Variants in CCDC88C observed in about 807,000 individuals in gnomAD.
The protein encoded by CCDC88C is coiled-coil and HOOK domain protein 88C.
In CCDC88C, 131 loss-of-function variants were observed where a neutral mutation model predicts 198.8. That is an observed-to-expected ratio of 0.66 (90% CI 0.57 to 0.76). The LOEUF is 0.76. Among genes scored for constraint, CCDC88C ranks in the 30% least tolerant of loss-of-function variants. The probability of loss-of-function intolerance (pLI) is 0.00; values close to 1 mark genes in which losing one functional copy is unlikely to be tolerated. For missense variants in CCDC88C, 2,553 were observed against 2,631.6 expected (o/e 0.97, Z 0.65); for synonymous variants, 1,166 against 1,114.7 (o/e 1.05, Z -0.92).
chr14:91,289,552 G>A (rs1443917384), intron 24 of CCDC88C, among the ~76,000 whole-genome samples: 1 of 152,186 alleles, frequency 6.6e-6, no homozygotes, highest in Non-Finnish European at 1.5e-5. Flanking sequence ...CACAGGGCTG[G>A]GGATGGTAGA....
intron 3 of CCDC88C, among the ~76,000 whole-genome samples, chr14:91,407,894 T>C (rs1253425497): frequency 1.4e-5 from 2 of 146,952 alleles, no homozygotes; most frequent in African/African-American, 2.7e-5. Context: ...GCGATTCTCC[T>C]GCCTCAGCCT....
chr14:91,412,806 A>G (rs1886856842), intron 2 of CCDC88C, among the ~76,000 whole-genome samples: 1 of 152,184 alleles, frequency 6.6e-6, no homozygotes, highest in African/African-American at 2.4e-5. Flanking sequence ...GAAATTACTT[A>G]AGTTCATAGG....
intron 3 of CCDC88C, chr14:91,378,781 T>C (rs1480530141): frequency 1.3e-5 from 2 of 152,232 alleles, no homozygotes; most frequent in African/African-American, 4.8e-5. Flanking sequence ...ATTTATGATA[T>C]TGCCAGAATC....
intron 3 of CCDC88C, among the ~76,000 whole-genome samples, chr14:91,382,764 G>A (rs1180385171): frequency 6.6e-6 from 1 of 152,162 alleles, no homozygotes. Context: ...ACAGACTCAA[G>A]CGAACACTCC....
At chr14:91,390,795 C>T (rs1885463289) in intron 3 of CCDC88C, among the ~76,000 whole-genome samples, 1 of 152,144 alleles carries the variant, frequency 6.6e-6, no homozygotes, top group Non-Finnish European at 1.5e-5. Flanking sequence ...TGGAAGCACC[C>T]CACTTCCTTT....
At chr14:91,399,149 C>T (rs1278188144) in intron 3 of CCDC88C, among the ~76,000 whole-genome samples, 1 of 152,228 alleles carries the variant, frequency 6.6e-6, no homozygotes, top group Non-Finnish European at 1.5e-5. Context: ...ATGGGCAGTT[C>T]TCATTCTCCA....
chr14:91,281,788 G>C (rs181277479), intron 26 of CCDC88C, among the ~76,000 whole-genome samples: 12 of 152,122 alleles, frequency 7.9e-5, no homozygotes, highest in Non-Finnish European at 1.5e-5. Context: ...GACCAAAGGC[G>C]TGTTCTGGCC....
chr14:91,341,389 T>G (rs1368915900), intron 6 of CCDC88C, among the ~76,000 whole-genome samples: 1 of 152,118 alleles, frequency 6.6e-6, no homozygotes, highest in Non-Finnish European at 1.5e-5. Flanking sequence ...TCTGACTCAG[T>G]GGGTCTCTCA....
intron 26 of CCDC88C, 136 bp downstream of exon 26, chr14:91,283,193 G>T: frequency 1.1e-6 from 1 of 902,244 alleles, no homozygotes; most frequent in Non-Finnish European, 1.6e-6. Flanking sequence ...ACCAAAGCCT[G>T]TCAGCAGCCT....
At chr14:91,279,114 G>A (rs1890092933) in intron 28 of CCDC88C, 124 bp downstream of exon 28, 4 of 748,120 alleles carry the variant, frequency 5.3e-6, no homozygotes, top group Admixed American at 2.3e-5. Context: ...TTCCCAGGCT[G>A]GTTTCTAACT....
At chr14:91,315,624 G>C in intron 14 of CCDC88C, 26 bp downstream of exon 14, 1 of 1,613,258 alleles carries the variant, frequency 6.2e-7, no homozygotes, top group Non-Finnish European at 8.5e-7. Context: ...GGTTCTAGGA[G>C]AGGCGTTAGT....
chr14:91,388,717 AAC>A (rs994413626), intron 3 of CCDC88C, among the ~76,000 whole-genome samples: 2 of 152,234 alleles, frequency 1.3e-5, no homozygotes, highest in African/African-American at 4.8e-5. Context: ...ATTTCAACCA[AAC>A]ACAGACTGAG....
intron 5 of CCDC88C, among the ~76,000 whole-genome samples, chr14:91,342,888 T>C (rs1231451467): frequency 1.3e-5 from 2 of 152,242 alleles, no homozygotes; most frequent in Non-Finnish European, 2.9e-5. Flanking sequence ...CTGTCACAAC[T>C]ACTCAGCTCT....
chr14:91,405,990 A>G (rs1011150330), intron 3 of CCDC88C, among the ~76,000 whole-genome samples: 7 of 152,168 alleles, frequency 4.6e-5, no homozygotes, highest in Non-Finnish European at 1.0e-4. Context: ...GTCCTCCAAG[A>G]GCTCCCAGCA....
chr14:91,395,794 C>T (rs1017050268), intron 3 of CCDC88C, among the ~76,000 whole-genome samples: 4 of 152,114 alleles, frequency 2.6e-5, no homozygotes, highest in African/African-American at 9.7e-5. Context: ...AACACCCCTA[C>T]ATGTAGAATT....
chr14:91,386,289 C>CAAAAAAAA (rs1239070390), intron 3 of CCDC88C, among the ~76,000 whole-genome samples: 1 of 106,898 alleles, frequency 9.4e-6, no homozygotes, highest in Non-Finnish European at 1.8e-5. Flanking sequence ...ACTAAAAATA[C>CAAAAAAAA]AAAAAAAAAA....
At chr14:91,330,357 T>C (rs1746298067) in intron 10 of CCDC88C, among the ~76,000 whole-genome samples, 3 of 151,934 alleles carry the variant, frequency 2.0e-5, no homozygotes, top group African/African-American at 7.3e-5. Flanking sequence ...CTGGGGGAGC[T>C]GAAGTGGGGA....
chr14:91,273,072 C>G lies in CCDC88C; in HGVS notation c.5640G>C (p.Pro1880=). The change falls in exon 30 of 30, where the codon CCG becomes CCC. Residue 1880 remains proline (P), a synonymous_variant. Transcript: ENST00000389857. This position sits in a 1 kb window ranked among gnomAD's most constrained non-coding sequence, Gnocchi z 5.6. ...SCQGPGPRSR[P]LDTRRFSLAP... is the part of the protein sequence containing the mutation. ...CCAGGGAGAAGCGCCTCGTGTCCAG[C>G]GGCCGGCTGCGGGGACCTGGGCCCT... 1.9e-6 allele frequency: 3 copies of G among 1,557,946 alleles called. No individual in the cohort carries two copies. Among genetic ancestry groups the G allele is most frequent in the Non-Finnish European group, 2.6e-6 (3 of 1,151,782 alleles).
Position 91,338,831 on chromosome 14 carries a change from G to C in CCDC88C, c.810-261C>G, listed in dbSNP as rs971106405. The C allele has an allele frequency of 3.9e-6, 2 of 517,596 alleles. No homozygotes were observed. The highest frequency in any genetic ancestry group is 3.8e-5 in the African/African-American group (2 of 52,078). The allele number at this position is 517,596 out of a possible 1,614,324, so 32.1% of individuals were successfully genotyped here. A position where few individuals can be genotyped will look rare whatever the true frequency, so the allele number is the denominator to read the frequency against. ...TCCCTGTGTGTGGGGCAGGTAAGGA[G>C]ACCCCAGCGGCAGCTGTACCACCCC... On this transcript the variant is annotated intron_variant, in intron 8 of 29. Coordinates refer to ENST00000389857, the MANE Select transcript of CCDC88C (RefSeq NM_001080414.4). This position sits in a 1 kb window ranked among gnomAD's most constrained non-coding sequence, Gnocchi z 4.8.
Sources: allele counts gnomAD v4.1 joint callset (sites outside exome capture counted in the v4.1 genomes callset), GRCh38; gene constraint gnomAD v4.1.1; non-coding constraint Gnocchi (gnomAD v3.1); transcripts MANE v1.5; gene names NCBI Gene and HGNC (gene_info 2026-07-23, HGNC 2026-07-21).